The following SPPL2B variants were observed in gnomAD, a reference collection of about 807,000 sequenced individuals.
SPPL2B encodes signal peptide peptidase like 2B.
Under a neutral mutation model 59.7 loss-of-function variants are expected in SPPL2B, and 39 were observed. That is an observed-to-expected ratio of 0.65 (90% confidence interval 0.51 to 0.85). The LOEUF is 0.85. Ranked by LOEUF, SPPL2B falls within the 40% of genes least tolerant of loss-of-function variation. SPPL2B has a pLI of 0.00. For synonymous variants in SPPL2B, 419 were observed against 370.8 expected, an observed-to-expected ratio of 1.13 and a Z score of -1.49; for missense variants, 865 against 849.0, an observed-to-expected ratio of 1.02 and a Z score of -0.23.
At chr19:2,331,053 T>G (rs1968262370) in intron 1 of SPPL2B, among the ~76,000 whole-genome samples, 1 of 152,192 alleles carries the variant, frequency 6.6e-6, no homozygotes, top group Non-Finnish European at 1.5e-5. Context: ...ACTCGCTTGC[T>G]TGCTACCATT....
intron 14 of SPPL2B, among the ~76,000 whole-genome samples, chr19:2,351,854 C>T (rs756036631): frequency 1.6e-4 from 24 of 145,562 alleles, no homozygotes; most frequent in Admixed American, 1.6e-3. Flanking sequence ...CGGGTGGGGC[C>T]CAGGGGTGCC....
At chr19:2,336,353 GTC>G (rs1334350739) in intron 2 of SPPL2B, among the ~76,000 whole-genome samples, 3 of 152,144 alleles carry the variant, frequency 2.0e-5, no homozygotes, top group Non-Finnish European at 1.5e-5. Context: ...GTGTGCATGT[GTC>G]TGCACATGTG....
intron 7 of SPPL2B, chr19:2,340,600 C>T (rs954095306): frequency 4.8e-5 from 26 of 543,226 alleles, no homozygotes; most frequent in Admixed American, 9.6e-5. Context: ...TTTGTGTTGC[C>T]GTCCCTGGGT....
At chr19:2,339,034 T>A (rs1253594213) in intron 4 of SPPL2B, 35 bp from the exon 5 acceptor site, 1 of 1,536,354 alleles carries the variant, frequency 6.5e-7, no homozygotes, top group Admixed American at 2.0e-5. Context: ...GGCGGGTGGC[T>A]CTGACGCCTG....
Position 2,344,671 on chromosome 19 carries a change from C to T in SPPL2B, c.1276+19C>T. Reference sequence around the variant, plus strand: ...GTGCCAGGTACTGAGGCGGGTGGAGCACACGGGTCCACGCTGTGGGGCAGG... The same window carrying T: ...GTGCCAGGTACTGAGGCGGGTGGAGTACACGGGTCCACGCTGTGGGGCAGG... On this transcript the variant is annotated intron_variant, in intron 12 of 14. Transcript: ENST00000613503. 2 of 1,503,296 alleles carry T rather than the reference C, an allele frequency of 1.3e-6. No homozygotes were observed. The highest frequency in any genetic ancestry group is 1.1e-5 in the South Asian group (1 of 87,728). The allele number at this position is 1,503,296 out of a possible 1,614,324, so 93.1% of individuals were successfully genotyped here.
In SPPL2B at chr19:2,339,892, C is replaced by T. The variant is rs370402024; in HGVS notation, c.668C>T (p.Pro223Leu). 21 of 1,588,978 alleles carry T rather than the reference C, an allele frequency of 1.3e-5. No homozygotes were observed. The highest frequency in any genetic ancestry group is 4.6e-5 in the South Asian group (4 of 87,332). ...KQEDEAVDVTPVMTCVFVVMC... is the reference protein window; with the variant it reads ...KQEDEAVDVTLVMTCVFVVMC... ...GAGGACGAGGCGGTGGACGTGACGCCGGTGATGACCTGCGTGTTTGTGGTG... is the reference window on the plus strand; with the variant it reads ...GAGGACGAGGCGGTGGACGTGACGCTGGTGATGACCTGCGTGTTTGTGGTG... The change falls in exon 6 of 15, where the codon CCG becomes CTG. Residue 223 changes from proline (P) to leucine (L), a missense_variant. Pro to Leu is a moderately conservative substitution (Grantham distance 98). Coordinates refer to ENST00000613503, the MANE Select transcript of SPPL2B (RefSeq NM_152988.3).
At chr19:2,346,337 C>T (rs534081758) in intron 13 of SPPL2B, among the ~76,000 whole-genome samples, 1 of 152,250 alleles carries the variant, frequency 6.6e-6, no homozygotes, top group Non-Finnish European at 1.5e-5. Context: ...GCTTTCCCCT[C>T]GCCCGATTTT....
chr19:2,338,040 G>GT (rs1968761137), intron 3 of SPPL2B: 3 of 149,208 alleles, frequency 2.0e-5, no homozygotes, highest in Admixed American at 6.9e-5. Context: ...CTCGCCTGTG[G>GT]TCCTAGCCAG....
chr19:2,334,129 A>G lies in SPPL2B; in HGVS notation c.67-473A>G, dbSNP rs1968430817. ...GCAGTGCCCACGGGGCTGTGGGTCA[A>G]AGGCCACCCAGACCTGAGGGGTGCA... On this transcript the variant is annotated intron_variant, in intron 1 of 14. Transcript: ENST00000613503. Among the ~76,000 whole-genome samples the G allele has an allele frequency of 1.3e-5, 2 of 152,146 alleles. 1 individual carries two copies. The highest frequency in any genetic ancestry group is 4.8e-5 in the African/African-American group (2 of 41,442).
At position 2,334,619 on chromosome 19, in the gene SPPL2B, C is replaced by A. The variant is rs764732918; in HGVS notation, c.84C>A (p.Gly28=). 1 of 1,612,536 alleles carries A rather than the reference C, an allele frequency of 6.2e-7. No individual in the cohort carries two copies. Among genetic ancestry groups the A allele is most frequent in the South Asian group, 1.1e-5 (1 of 90,760 alleles). ...LLAAQVACEY[G]MVHVVSQAGG... is the part of the protein sequence containing the mutation. ...TCCTGCAGGTGGCCTGTGAGTACGG[C>A]ATGGTGCACGTGGTCTCCCAGGCCG... The change falls in exon 2 of 15, where the codon GGC becomes GGA. Residue 28 remains glycine, a synonymous_variant. Transcript: ENST00000613503.
At chr19:2,334,519 C>A in intron 1 of SPPL2B, 83 bp from the exon 2 acceptor site, 1 of 1,504,716 alleles carries the variant, frequency 6.6e-7, no homozygotes, top group Non-Finnish European at 8.9e-7. Flanking sequence ...AGGCGTCCTC[C>A]CCTCCTCGGG....
intron 1 of SPPL2B, among the ~76,000 whole-genome samples, chr19:2,331,312 T>C (rs1378684668): frequency 6.6e-6 from 1 of 152,224 alleles, no homozygotes; most frequent in South Asian, 2.1e-4. Context: ...GCCTAGTAGT[T>C]TCTGAACCTG....
chr19:2,352,821 C>T lies in SPPL2B; in HGVS notation c.1516-125C>T, dbSNP rs142699254. On this transcript the variant is annotated intron_variant, in intron 14 of 14. Coordinates refer to ENST00000613503, the MANE Select transcript of SPPL2B (RefSeq NM_152988.3). The stretch of plus-strand genomic sequence containing the variant: ...CGGCCCCCTCCTTGGGTCCAGAGCC[C>T]CTGGGGATGGCGCCTCATTTTGACC... 1.8e-3 allele frequency: 1,973 copies of T among 1,080,442 alleles called. 21 individuals are homozygous for T. In the African/African-American group the frequency reaches 0.024, roughly 13 times the overall value. 66.9% of individuals were successfully genotyped at this position (1,080,442 alleles called of 1,614,324 possible).
intron 9 of SPPL2B, 84 bp from the exon 10 acceptor site, chr19:2,343,881 A>C (rs967593686): frequency 5.0e-5 from 53 of 1,057,436 alleles, no homozygotes; most frequent in Non-Finnish European, 7.3e-5. Context: ...GCTGCCTCCC[A>C]GGAGGAGGCG....
Position 2,353,374 on chromosome 19 carries a change from T to C in SPPL2B, c.*165T>C, listed in dbSNP as rs10402757. On this transcript the variant is annotated 3_prime_UTR_variant, in exon 15 of 15. Transcript: ENST00000613503. ...CATCCTTGCCGAGACCCCTGCGGTCTGTGCCCGCGCCCAGCCCAGCTGCCC... is the reference window on the plus strand; with the variant it reads ...CATCCTTGCCGAGACCCCTGCGGTCCGTGCCCGCGCCCAGCCCAGCTGCCC... 0.6 allele frequency: 526,022 copies of C among 872,334 alleles called. 161,811 individuals carry two copies. Among genetic ancestry groups the C allele is most frequent in the Middle Eastern group, 0.7 (1,955 of 2,774 alleles). 54.0% of individuals were successfully genotyped at this position (872,334 alleles called of 1,614,324 possible). A position where few individuals can be genotyped will look rare whatever the true frequency, so the allele number is the denominator to read the frequency against.
In SPPL2B at chr19:2,339,191, G is replaced by A. The variant is rs374240513; in HGVS notation, c.582G>A (p.Gly194=). The A allele has an allele frequency of 3.8e-4, 609 of 1,603,566 alleles. No homozygotes were observed. The highest frequency in any genetic ancestry group is 4.8e-4 in the Non-Finnish European group (564 of 1,175,428). The part of the protein sequence containing the change: ...GTVAIGGYWA[G]SRDVKKRYMK... ...TCGCCATCGGCGGCTACTGGGCCGG[G>A]AGTCGGGACGTGAAGAAGTGAGTTT... Residue 194 remains glycine, a synonymous_variant, in exon 5 of 15, where the codon GGG becomes GGA. Transcript: ENST00000613503.
chr19:2,352,819 C>G, intron 14 of SPPL2B, 127 bp from the exon 15 acceptor site: 2 of 1,041,910 alleles, frequency 1.9e-6, no homozygotes, highest in Non-Finnish European at 2.8e-6. Context: ...GGGTCCAGAG[C>G]CCCTGGGGAT....
chr19:2,341,263 A>G (rs1427564601), intron 8 of SPPL2B: 1 of 661,172 alleles, frequency 1.5e-6, no homozygotes, highest in South Asian at 1.5e-5. Context: ...CCCTGTGGCC[A>G]GGAGCCACGT....
At position 2,352,992 on chromosome 19, in the gene SPPL2B, C is replaced by T. The variant is rs371448827; in HGVS notation, c.1562C>T (p.Pro521Leu). The change falls in exon 15 of 15, where the codon CCG (proline) becomes CTG (leucine). Residue 521 changes from proline to leucine, a missense_variant. Pro to Leu is a moderately conservative substitution (Grantham distance 98). Coordinates refer to ENST00000613503, the MANE Select transcript of SPPL2B (RefSeq NM_152988.3). ...TGGGCCCCAGCACCAGCCGACGGCC[C>T]GCAGCCTCCCAAAGACTCTGCCACG... ...SPWAPAPADGPQPPKDSATPL... is the reference protein window; with the variant it reads ...SPWAPAPADGLQPPKDSATPL... 2.3e-4 allele frequency: 375 copies of T among 1,612,178 alleles called. No individual in the cohort carries two copies. The highest frequency in any genetic ancestry group is 2.9e-4 in the Non-Finnish European group (344 of 1,179,700).
Sources: gnomAD v4.1 joint callset for allele counts (sites outside exome capture counted in the v4.1 genomes callset) on GRCh38, gnomAD v4.1.1 for gene constraint, MANE v1.5 for transcripts, NCBI Gene and HGNC (gene_info 2026-07-23, HGNC 2026-07-21) for gene names.